SLC12A8: variants seen among roughly 807,000 people sequenced by gnomAD.
The protein encoded by SLC12A8 is solute carrier family 12 member 8.
A neutral mutation model predicts 75.6 loss-of-function variants in SLC12A8; 69 were observed. The ratio of observed to expected loss-of-function variants is 0.91; its 90% CI spans 0.75 to 1.11. The LOEUF is 1.11. Ranked by LOEUF, SLC12A8 falls within the 50% of genes most tolerant of loss-of-function variation. The pLI is 0.00. For missense variants in SLC12A8, 877 were observed against 896.7 expected, an observed-to-expected ratio of 0.98 and a Z score of 0.28; for synonymous variants, 365 against 372.8, an observed-to-expected ratio of 0.98 and a Z score of 0.24.
At chr3:125,102,382 G>C (rs929411526) in intron 10 of SLC12A8, among the ~76,000 whole-genome samples, 2 of 152,182 alleles carry the variant, frequency 1.3e-5, no homozygotes, top group Admixed American at 6.5e-5. Flanking sequence ...AGGAACGTAG[G>C]TTAGGGCTGC....
In SLC12A8 at chr3:125,120,626, A is replaced by AG. The variant is rs1933031058; in HGVS notation, c.796dup (p.Leu266ProfsTer33). ...GATGCCAACAGCTGCCAGGGAGCCC[A>AG]GGGGAATGCTGGCGGCAGGCTCCCT... is the stretch of plus-strand genomic sequence containing the variant. On this transcript the variant is annotated frameshift_variant, in exon 7 of 14. Coordinates refer to ENST00000469902, the MANE Select transcript of SLC12A8 (RefSeq NM_024628.6). LOFTEE classifies it high-confidence loss of function. 11 of 1,613,742 alleles carry AG rather than the reference A, an allele frequency of 6.8e-6. No homozygotes were observed. The highest frequency in any genetic ancestry group is 9.3e-6 in the Non-Finnish European group (11 of 1,179,886).
intron 5 of SLC12A8, among the ~76,000 whole-genome samples, chr3:125,173,452 C>CAAAAAAAAAAAAAAAAA: frequency 1.3e-5 from 1 of 79,626 alleles, no homozygotes; most frequent in Non-Finnish European, 2.2e-5. Flanking sequence ...ATTCATGAGC[C>CAAAAAAAAAAAAAAAAA]AAAAAAAAAA....
At chr3:125,175,796 G>A (rs957065465) in intron 5 of SLC12A8, among the ~76,000 whole-genome samples, 17 of 152,038 alleles carry the variant, frequency 1.1e-4, no homozygotes, top group African/African-American at 3.6e-4. Context: ...CTGGAGATGC[G>A]TCAAATATTT....
chr3:125,174,527 A>T (rs1431182861), intron 5 of SLC12A8, among the ~76,000 whole-genome samples: 1 of 152,206 alleles, frequency 6.6e-6, no homozygotes, highest in Non-Finnish European at 1.5e-5. Flanking sequence ...AAACCTGAAC[A>T]TGGATGTTTA....
chr3:125,118,624 G>A, intron 8 of SLC12A8, 145 bp downstream of exon 8: 1 of 589,566 alleles, frequency 1.7e-6, no homozygotes, highest in East Asian at 3.1e-5. Context: ...GTGAGACCCT[G>A]TCTCAAAAAA....
intron 8 of SLC12A8, among the ~76,000 whole-genome samples, chr3:125,114,314 T>C (rs900935436): frequency 2.0e-5 from 3 of 152,194 alleles, no homozygotes; most frequent in African/African-American, 7.2e-5. Flanking sequence ...CCCATCCCCA[T>C]CTTCCCTGTA....
chr3:125,127,328 T>A (rs1477734219), intron 6 of SLC12A8, among the ~76,000 whole-genome samples: 1 of 152,220 alleles, frequency 6.6e-6, no homozygotes, highest in Non-Finnish European at 1.5e-5. Flanking sequence ...TGTCAAATAA[T>A]GCAACTTTCC....
In SLC12A8 at chr3:125,141,673, A is replaced by AGGCTGCGGGCTGCG. The variant is rs58035397; in HGVS notation, c.623-5905_623-5892dup. 3.5e-4 allele frequency among the ~76,000 whole-genome samples: 53 copies of AGGCTGCGGGCTGCG among 151,932 alleles called. 1 individual carries two copies. The South Asian group carries it at 9.6e-3, about 27-fold the overall frequency. On this transcript the variant is annotated intron_variant, in intron 5 of 13. Coordinates refer to ENST00000469902, the MANE Select transcript of SLC12A8 (RefSeq NM_024628.6). The stretch of plus-strand genomic sequence containing the variant: ...TTTCTAAAAATGATGCTGGGGCTGC[A>AGGCTGCGGGCTGCG]GGCTGCGGGCTGCGGGCTGCGGGCT...
At chr3:125,190,110 C>A (rs1050907753) in intron 3 of SLC12A8, among the ~76,000 whole-genome samples, 1 of 152,198 alleles carries the variant, frequency 6.6e-6, no homozygotes, top group Non-Finnish European at 1.5e-5. Context: ...ATCTCAAGTC[C>A]GGCTCATGAT....
chr3:125,116,194 G>A (rs1939308623), intron 8 of SLC12A8, among the ~76,000 whole-genome samples: 2 of 152,216 alleles, frequency 1.3e-5, no homozygotes, highest in Admixed American at 6.5e-5. Context: ...AGAAGACCCA[G>A]GTGCTGCTAT....
At position 125,143,459 on chromosome 3, in the gene SLC12A8, C is replaced by G. The variant is rs1457887846; in HGVS notation, c.623-7677G>C. 3.3e-5 allele frequency among the ~76,000 whole-genome samples: 5 copies of G among 152,382 alleles called. No individual in the cohort carries two copies. The East Asian group carries it at 9.6e-4, about 29-fold the overall frequency. ...GGAGTCTTCCTCGGACCACAGTCTC[C>G]TCTCTGGCTTCAGCCCTATTGACTT... On this transcript the variant is annotated intron_variant, in intron 5 of 13. Coordinates refer to ENST00000469902, the MANE Select transcript of SLC12A8 (RefSeq NM_024628.6).
intron 5 of SLC12A8, among the ~76,000 whole-genome samples, chr3:125,153,871 T>C (rs1368282715): frequency 6.6e-6 from 1 of 152,136 alleles, no homozygotes; most frequent in Non-Finnish European, 1.5e-5. Flanking sequence ...CCTTGAGCTC[T>C]GGACTAGCTG....
At chr3:125,184,355 T>C (rs762652179) in intron 4 of SLC12A8, among the ~76,000 whole-genome samples, 6 of 152,188 alleles carry the variant, frequency 3.9e-5, no homozygotes, top group Non-Finnish European at 8.8e-5. Flanking sequence ...ACTGGCTCAC[T>C]GGCCAAATCC....
At chr3:125,109,726 C>T (rs553089424) in intron 9 of SLC12A8, among the ~76,000 whole-genome samples, 6 of 152,146 alleles carry the variant, frequency 3.9e-5, no homozygotes, top group East Asian at 3.9e-4. Flanking sequence ...GAAGTGTAGA[C>T]GCCAGAGGTG....
chr3:125,087,784 T>C (rs185063981), intron 13 of SLC12A8, among the ~76,000 whole-genome samples: 2 of 152,146 alleles, frequency 1.3e-5, no homozygotes, highest in South Asian at 2.1e-4. Flanking sequence ...CTCAGGAAAG[T>C]TTTTTTTCTC....
chr3:125,193,025 C>T (rs562759097), intron 2 of SLC12A8, among the ~76,000 whole-genome samples: 4 of 152,288 alleles, frequency 2.6e-5, no homozygotes, highest in Non-Finnish European at 5.9e-5. Context: ...ATAAAGCCCC[C>T]GAGGGATATT....
At chr3:125,159,888 T>C (rs1420473285) in intron 5 of SLC12A8, among the ~76,000 whole-genome samples, 3 of 152,210 alleles carry the variant, frequency 2.0e-5, no homozygotes. Flanking sequence ...AGTAGGTACA[T>C]AAATAACCAA....
At position 125,208,791 on chromosome 3, in the gene SLC12A8, C is replaced by CACACACACAG. The variant is rs1368605617; in HGVS notation, c.51+2507_51+2508insCTGTGTGTGT. Among the ~76,000 whole-genome samples, 324 of 84,200 alleles carry CACACACACAG rather than the reference C, an allele frequency of 3.8e-3. 3 individuals carry two copies. Among genetic ancestry groups the CACACACACAG allele is most frequent in the Non-Finnish European group, 6.2e-3 (262 of 42,440 alleles). The allele number at this position is 84,200 out of a possible 152,430, so 55.2% of individuals were successfully genotyped here. On this transcript the variant is annotated intron_variant, in intron 2 of 13. Transcript: ENST00000469902. ...ACACACACACACACACACACACACA[C>CACACACACAG]AGAGAGAGAGAGAGAGAGAGAGAGA...
chr3:125,207,431 G>A (rs1252285930), intron 2 of SLC12A8, among the ~76,000 whole-genome samples: 1 of 152,194 alleles, frequency 6.6e-6, no homozygotes, highest in East Asian at 1.9e-4. Context: ...AAAAGCCTCA[G>A]GCTAGCTGGA....
Sources: allele counts gnomAD v4.1 joint callset (sites outside exome capture counted in the v4.1 genomes callset), GRCh38; gene constraint gnomAD v4.1.1; transcripts MANE v1.5; gene names NCBI Gene and HGNC (gene_info 2026-07-23, HGNC 2026-07-21).